The following ADGRL3 variants were observed in gnomAD, a reference collection of about 807,000 sequenced individuals.
ADGRL3 encodes the protein adhesion G protein-coupled receptor L3.
A neutral mutation model predicts 153.5 loss-of-function variants in ADGRL3; 62 were observed. The ratio of observed to expected loss-of-function variants is 0.40; its 90% CI spans 0.33 to 0.50. The LOEUF (loss-of-function observed/expected upper bound fraction) is 0.50. Among genes scored for constraint, ADGRL3 ranks in the 20% least tolerant of loss-of-function variants. The probability of loss-of-function intolerance (pLI) is 0.47; values close to 1 mark genes in which losing one functional copy is unlikely to be tolerated. For missense variants in ADGRL3, 1,641 were observed against 1,859.4 expected (o/e 0.88, Z 2.16); for synonymous variants, 710 against 672.5 (o/e 1.06, Z -0.86).
At chr4:61,356,901 C>T (rs1017195259) in intron 1 of ADGRL3, among the ~76,000 whole-genome samples, 3 of 152,056 alleles carry the variant, frequency 2.0e-5, no homozygotes, top group African/African-American at 7.2e-5. Context: ...CCTCCCTGAA[C>T]ACTTTCAGGC....
chr4:61,835,906 T>C (rs2097927475), intron 9 of ADGRL3, among the ~76,000 whole-genome samples: 1 of 152,176 alleles, frequency 6.6e-6, no homozygotes, highest in South Asian at 2.1e-4. Flanking sequence ...GAAGCCAATT[T>C]TTAGCTTGCA....
chr4:62,051,166 GTGTA>G lies in ADGRL3; in HGVS notation c.3814+6619_3814+6622del, dbSNP rs1183752675. Among the ~76,000 whole-genome samples the G allele has an allele frequency of 1.1e-3, 56 of 52,164 alleles. 1 individual carries two copies. The highest frequency in any genetic ancestry group is 3.6e-3 in the South Asian group (3 of 844). The allele number at this position is 52,164 out of a possible 152,430, so 34.2% of individuals were successfully genotyped here. On this transcript the variant is annotated intron_variant, in intron 25 of 26. Coordinates refer to ENST00000683033, the MANE Select transcript of ADGRL3 (RefSeq NM_001387552.1). The stretch of plus-strand genomic sequence containing the variant: ...ATATACACAAAGAACGTGTGTGTGT[GTGTA>G]TATATATATATATATATATACATAC...
At chr4:61,570,711 T>G (rs1451254802) in intron 4 of ADGRL3, among the ~76,000 whole-genome samples, 1 of 152,176 alleles carries the variant, frequency 6.6e-6, no homozygotes, top group Non-Finnish European at 1.5e-5. Flanking sequence ...TTCCATTTAT[T>G]TCCTTCTGTG....
Position 61,791,868 on chromosome 4 carries a change from C to T in ADGRL3, c.1400-21941C>T, listed in dbSNP as rs376232386. The stretch of plus-strand genomic sequence containing the variant: ...AGCCATGGCCTGAGCTGTACATTGG[C>T]CCCTTTCAGCTACAGCTAGAGCAGC... On this transcript the variant is annotated intron_variant, in intron 8 of 26. Transcript: ENST00000683033. Among the ~76,000 whole-genome samples, 6 of 152,292 alleles carry T rather than the reference C, an allele frequency of 3.9e-5. No individual in the cohort carries two copies. The East Asian group carries it at 5.8e-4, about 15-fold the overall frequency.
At chr4:61,437,959 T>C (rs199659061) in intron 2 of ADGRL3, among the ~76,000 whole-genome samples, 3 of 152,320 alleles carry the variant, frequency 2.0e-5, no homozygotes, top group East Asian at 3.9e-4. Flanking sequence ...ACATTCACAT[T>C]TGGAACTTGA....
chr4:61,685,206 A>G (rs768056115), intron 6 of ADGRL3, among the ~76,000 whole-genome samples: 8 of 151,904 alleles, frequency 5.3e-5, no homozygotes, highest in Non-Finnish European at 1.2e-4. Context: ...GCATGAGCCA[A>G]CTGCACCTGG....
chr4:61,718,714 T>G (rs57171516), intron 6 of ADGRL3, among the ~76,000 whole-genome samples: 4,180 of 152,282 alleles, frequency 0.027, 208 homozygotes, highest in African/African-American at 0.095. Context: ...AATGTTATAT[T>G]GTTGGTAGTT....
At chr4:61,504,594 C>T (rs1283798826) in intron 3 of ADGRL3, among the ~76,000 whole-genome samples, 1 of 152,104 alleles carries the variant, frequency 6.6e-6, no homozygotes, top group African/African-American at 2.4e-5. Flanking sequence ...AACACTAGAT[C>T]TTATTCCCTC....
intron 5 of ADGRL3, among the ~76,000 whole-genome samples, chr4:61,643,027 G>T (rs1187484334): frequency 6.6e-6 from 1 of 152,094 alleles, no homozygotes; most frequent in East Asian, 1.9e-4. Context: ...TGGATTCCTA[G>T]GTATTTTATT....
intron 5 of ADGRL3, among the ~76,000 whole-genome samples, chr4:61,615,620 T>C (rs1224318429): frequency 2.0e-5 from 3 of 151,360 alleles, no homozygotes; most frequent in African/African-American, 4.8e-5. Flanking sequence ...ATGTGTGTTA[T>C]GTGACAGAAT....
intron 1 of ADGRL3, among the ~76,000 whole-genome samples, chr4:61,320,202 T>C (rs2150735180): frequency 6.6e-6 from 1 of 152,292 alleles, no homozygotes; most frequent in South Asian, 2.1e-4. Context: ...TAAATTTCTG[T>C]TGTTTAAGCT....
At chr4:61,690,016 C>T (rs1469030684) in intron 6 of ADGRL3, among the ~76,000 whole-genome samples, 1 of 152,116 alleles carries the variant, frequency 6.6e-6, no homozygotes, top group Non-Finnish European at 1.5e-5. Context: ...AATCGCTACA[C>T]ACTAACCATT....
At chr4:61,999,923 A>G (rs531920937) in intron 21 of ADGRL3, among the ~76,000 whole-genome samples, 2 of 152,298 alleles carry the variant, frequency 1.3e-5, no homozygotes, top group South Asian at 4.1e-4. Flanking sequence ...TAGTTGAGAT[A>G]ATAGTCATTG....
intron 25 of ADGRL3, among the ~76,000 whole-genome samples, chr4:62,045,607 A>G (rs923273392): frequency 6.6e-6 from 1 of 152,010 alleles, no homozygotes; most frequent in African/African-American, 2.4e-5. Context: ...AGTAAGTTTC[A>G]TCTTATCTAT....
At chr4:61,389,766 G>T (rs780020104) in intron 2 of ADGRL3, among the ~76,000 whole-genome samples, 2 of 152,100 alleles carry the variant, frequency 1.3e-5, no homozygotes, top group Non-Finnish European at 2.9e-5. Context: ...GAGATATCGT[G>T]GCTGTCAGAA....
At chr4:61,435,497 C>T (rs757455659) in intron 2 of ADGRL3, among the ~76,000 whole-genome samples, 4 of 151,952 alleles carry the variant, frequency 2.6e-5, no homozygotes, top group Non-Finnish European at 5.9e-5. Context: ...TGCATGTGGG[C>T]CCATTACCGG....
intron 2 of ADGRL3, among the ~76,000 whole-genome samples, chr4:61,469,916 AGTTT>A (rs2097924606): frequency 6.6e-6 from 1 of 151,732 alleles, no homozygotes; most frequent in Non-Finnish European, 1.5e-5. Flanking sequence ...TATTATATTT[AGTTT>A]GTTTTAAAAA....
chr4:61,708,615 G>A (rs1360128260), intron 6 of ADGRL3, among the ~76,000 whole-genome samples: 1 of 151,820 alleles, frequency 6.6e-6, no homozygotes, highest in East Asian at 1.9e-4. Context: ...ATAGGTAAAT[G>A]TGTGCTATGG....
chr4:61,776,122 G>C (rs989707908), intron 8 of ADGRL3, among the ~76,000 whole-genome samples: 3 of 151,924 alleles, frequency 2.0e-5, no homozygotes, highest in Non-Finnish European at 2.9e-5. Flanking sequence ...GGATGATCTC[G>C]ATCTCCTGAC....
Sources: allele counts gnomAD v4.1 joint callset (sites outside exome capture counted in the v4.1 genomes callset), GRCh38; gene constraint gnomAD v4.1.1; transcripts MANE v1.5; gene names NCBI Gene and HGNC (gene_info 2026-07-23, HGNC 2026-07-21).